Variants in UBE2F observed in about 807,000 individuals in gnomAD.
UBE2F encodes the protein NEDD8-conjugating enzyme UBE2F.
UBE2F carries 5 observed loss-of-function variants against 29.6 expected under a neutral mutation model. That is an observed-to-expected ratio of 0.17 (90% CI 0.09 to 0.36). The LOEUF (loss-of-function observed/expected upper bound fraction) is 0.36, where lower values mean the gene tolerates loss of function less well. UBE2F is among the 10% of genes least tolerant of loss of function. The pLI is 1.00. For synonymous variants in UBE2F, 66 were observed against 81.8 expected, an observed-to-expected ratio of 0.81 and a Z score of 1.04; for missense variants, 141 against 228.5, an observed-to-expected ratio of 0.62 and a Z score of 2.47.
At chr2:238,025,008 G>T (rs192453091) in intron 5 of UBE2F, among the ~76,000 whole-genome samples, 30 of 152,294 alleles carry the variant, frequency 2.0e-4, no homozygotes, top group African/African-American at 7.0e-4. Context: ...GATACCTTCT[G>T]CAGTCCCAAA....
chr2:238,026,585 C>G (rs1310862456), intron 6 of UBE2F, among the ~76,000 whole-genome samples: 3 of 152,172 alleles, frequency 2.0e-5, no homozygotes, highest in African/African-American at 7.2e-5. Flanking sequence ...AGGCGCCTAC[C>G]ACTACGCCCG....
At chr2:238,004,969 C>T (rs996765843) in intron 4 of UBE2F, among the ~76,000 whole-genome samples, 1 of 152,166 alleles carries the variant, frequency 6.6e-6, no homozygotes, top group African/African-American at 2.4e-5. Context: ...ACAGCCTTTT[C>T]TGGGGCATCC....
At chr2:237,998,537 GATAGACA>G (rs2063731283) in intron 4 of UBE2F, among the ~76,000 whole-genome samples, 1 of 151,194 alleles carries the variant, frequency 6.6e-6, no homozygotes, top group Non-Finnish European at 1.5e-5. Context: ...TCTTCCTAGT[GATAGACA>G]TTTGAGTAGT....
In UBE2F at chr2:237,975,196, G is replaced by C. The variant is rs908419815; in HGVS notation, c.118+1971G>C. On this transcript the variant is annotated intron_variant, in intron 2 of 9. Transcript: ENST00000272930. ...GGCTCACTGCAGCTTCAGCCTTCTG[G>C]GCTCAGGCGATCCTGTCACCTCAGC... 5.9e-5 allele frequency among the ~76,000 whole-genome samples: 9 copies of C among 152,062 alleles called. No individual in the cohort carries two copies. In the East Asian group the frequency reaches 1.5e-3, roughly 26 times the overall value.
At position 238,009,585 on chromosome 2, in the gene UBE2F, T is replaced by C. The variant is rs555993276; in HGVS notation, c.215-6981T>C. On this transcript the variant is annotated intron_variant, in intron 4 of 9. Coordinates refer to ENST00000272930, the MANE Select transcript of UBE2F (RefSeq NM_080678.3). ...TAACCGTCCATTTCTTTCCTCATTA[T>C]GTTCATGTTTTCCTCTAAGTCTCAG... Among the ~76,000 whole-genome samples, 3 of 152,352 alleles carry C rather than the reference T, an allele frequency of 2.0e-5. No individual in the cohort carries two copies. The South Asian group carries it at 6.2e-4, about 32-fold the overall frequency.
chr2:238,020,856 C>A (rs893241527), intron 5 of UBE2F, among the ~76,000 whole-genome samples: 1 of 152,170 alleles, frequency 6.6e-6, no homozygotes, highest in Admixed American at 6.5e-5. Flanking sequence ...AGGATGGGAA[C>A]TTGGTGGCCT....
Position 237,982,996 on chromosome 2 carries a change from T to G in UBE2F, c.119-4967T>G, listed in dbSNP as rs1375168791. On this transcript the variant is annotated intron_variant, in intron 2 of 9. Coordinates refer to ENST00000272930, the MANE Select transcript of UBE2F (RefSeq NM_080678.3). The surrounding 1 kb of genome is among the most constrained non-coding windows in gnomAD (Gnocchi z 4.1). ...CATTATATTTTGTTAAGTAAATATA[T>G]GTATATATTTTATGTTTTTGTAGTG... Among the ~76,000 whole-genome samples the G allele has an allele frequency of 1.3e-5, 2 of 152,168 alleles. 1 individual carries two copies. Among genetic ancestry groups the G allele is most frequent in the East Asian group, 3.9e-4 (2 of 5,188 alleles).
intron 2 of UBE2F, among the ~76,000 whole-genome samples, chr2:237,976,350 C>A (rs778134635): frequency 2.0e-5 from 3 of 152,168 alleles, no homozygotes; most frequent in Non-Finnish European, 4.4e-5. Context: ...ACTGTCCCAT[C>A]TTCTTTACCC....
At chr2:238,013,119 A>G (rs2064077020) in intron 4 of UBE2F, among the ~76,000 whole-genome samples, 1 of 152,120 alleles carries the variant, frequency 6.6e-6, no homozygotes, top group African/African-American at 2.4e-5. Context: ...TCTACAAAAA[A>G]ACTAGCTGGG....
chr2:237,993,179 G>C (rs1019303299), intron 3 of UBE2F, among the ~76,000 whole-genome samples: 8 of 151,640 alleles, frequency 5.3e-5, no homozygotes, highest in African/African-American at 1.7e-4. Flanking sequence ...GTAGAGACGG[G>C]GTTTCACCAC....
intron 3 of UBE2F, among the ~76,000 whole-genome samples, chr2:237,989,033 A>G (rs1158361909): frequency 1.3e-5 from 2 of 152,224 alleles, no homozygotes; most frequent in African/African-American, 4.8e-5. Flanking sequence ...ACCCTTGATT[A>G]TTTCAAAAGA....
chr2:237,984,399 C>G (rs1219915995), intron 2 of UBE2F, among the ~76,000 whole-genome samples: 1 of 152,252 alleles, frequency 6.6e-6, no homozygotes, highest in African/African-American at 2.4e-5. Flanking sequence ...CAGTGCTCTG[C>G]TGTTGTTTTG....
At chr2:237,989,114 T>G (rs900897255) in intron 3 of UBE2F, among the ~76,000 whole-genome samples, 1 of 152,238 alleles carries the variant, frequency 6.6e-6, no homozygotes, top group African/African-American at 2.4e-5. Flanking sequence ...TGTACTTCCC[T>G]TAAAATTAGT....
intron 4 of UBE2F, among the ~76,000 whole-genome samples, chr2:238,006,759 CTTTT>C (rs60514924): frequency 1.0e-4 from 13 of 125,566 alleles, no homozygotes; most frequent in African/African-American, 1.5e-4. Flanking sequence ...TTTCTTTTTT[CTTTT>C]TTTTTTTTTT....
chr2:238,024,205 A>G (rs1257612537), intron 5 of UBE2F, among the ~76,000 whole-genome samples: 3 of 152,190 alleles, frequency 2.0e-5, no homozygotes, highest in Non-Finnish European at 2.9e-5. Flanking sequence ...GATGGAGTGT[A>G]TATATTCTTA....
intron 5 of UBE2F, among the ~76,000 whole-genome samples, chr2:238,022,945 G>A (rs996975899): frequency 7.2e-5 from 11 of 152,338 alleles, no homozygotes; most frequent in East Asian, 5.8e-4. Flanking sequence ...TAAGAGGACC[G>A]TTGACAAAAG....
intron 5 of UBE2F, among the ~76,000 whole-genome samples, chr2:238,019,750 C>T (rs989711647): frequency 3.3e-5 from 5 of 150,452 alleles, no homozygotes; most frequent in Non-Finnish European, 7.4e-5. Context: ...ACCTCTGCCA[C>T]CTGGATTCAA....
intron 4 of UBE2F, among the ~76,000 whole-genome samples, chr2:238,002,537 G>A (rs565539135): frequency 2.0e-5 from 3 of 151,812 alleles, no homozygotes; most frequent in South Asian, 2.1e-4. Context: ...GCACCTGGCC[G>A]GAATATTCCA....
At chr2:237,980,563 T>G (rs753196493) in intron 2 of UBE2F, among the ~76,000 whole-genome samples, 40 of 152,144 alleles carry the variant, frequency 2.6e-4, no homozygotes, top group Non-Finnish European at 3.4e-4. Context: ...TACCATCACA[T>G]TGGGGGTTAG....
Sources: allele counts gnomAD v4.1 joint callset (sites outside exome capture counted in the v4.1 genomes callset), GRCh38; gene constraint gnomAD v4.1.1; non-coding constraint Gnocchi (gnomAD v3.1); transcripts MANE v1.5; gene names NCBI Gene and HGNC (gene_info 2026-07-23, HGNC 2026-07-21).